DSCAM: variants seen among roughly 807,000 people sequenced by gnomAD.
DSCAM encodes cell adhesion molecule DSCAM.
Under a neutral mutation model 217.7 loss-of-function variants are expected in DSCAM, and 47 were observed. That is an observed-to-expected ratio of 0.22 (90% confidence interval 0.17 to 0.28). The LOEUF is 0.28. DSCAM is among the 10% of genes least tolerant of loss of function. The probability of loss-of-function intolerance (pLI) is 1.00; values close to 1 mark genes in which losing one functional copy is unlikely to be tolerated. For synonymous variants in DSCAM, 1,056 were observed against 1,015.3 expected, an observed-to-expected ratio of 1.04 and a Z score of -0.76; for missense variants, 2,080 against 2,618.3, an observed-to-expected ratio of 0.79 and a Z score of 4.49.
In DSCAM at chr21:40,508,746, T is replaced by TAC. The variant is rs2076229817; in HGVS notation, c.509-139502_509-139501insGT. 1.2e-3 allele frequency among the ~76,000 whole-genome samples: 3 copies of TAC among 2,522 alleles called. No individual in the cohort carries two copies. In the South Asian group the frequency reaches 0.03, roughly 25 times the overall value. 1.7% of individuals were successfully genotyped at this position (2,522 alleles called of 152,430 possible). On this transcript the variant is annotated intron_variant, in intron 3 of 32. Coordinates refer to ENST00000400454, the MANE Select transcript of DSCAM (RefSeq NM_001389.5). Reference sequence around the variant, plus strand: ...ACCACACCCGGCAAATATATATATATATATATATATATATATATATATATA... The same window carrying TAC: ...ACCACACCCGGCAAATATATATATATACATATATATATATATATATATATATA...
At chr21:40,071,277 A>G (rs2089289288) in intron 27 of DSCAM, among the ~76,000 whole-genome samples, 1 of 152,182 alleles carries the variant, frequency 6.6e-6, no homozygotes, top group Non-Finnish European at 1.5e-5. Context: ...ATAAGGTTAT[A>G]GATTTAAAAA....
chr21:40,781,945 G>A (rs148539406), intron 1 of DSCAM, among the ~76,000 whole-genome samples: 1,819 of 129,178 alleles, frequency 0.014, 68 homozygotes, highest in Admixed American at 0.11. Context: ...TCAAGAGATC[G>A]AGACCATCCT....
chr21:40,523,999 A>G (rs1395807256), intron 3 of DSCAM, among the ~76,000 whole-genome samples: 1 of 152,224 alleles, frequency 6.6e-6, no homozygotes, highest in East Asian at 1.9e-4. Context: ...CCATTTCAAC[A>G]GTATCTTAAG....
intron 32 of DSCAM, among the ~76,000 whole-genome samples, chr21:40,037,993 TTACACCTTA>T (rs959462520): frequency 6.1e-5 from 9 of 146,592 alleles, no homozygotes; most frequent in African/African-American, 2.3e-4. Context: ...GATCCCTTCC[TTACACCTTA>T]TACAAAAATC....
intron 1 of DSCAM, among the ~76,000 whole-genome samples, chr21:40,737,473 A>G (rs1446636033): frequency 6.6e-6 from 1 of 152,108 alleles, no homozygotes; most frequent in Non-Finnish European, 1.5e-5. Flanking sequence ...CCCCATCTCT[A>G]CTAAAAAAAA....
Position 40,080,319 on chromosome 21 carries a change from T to A in DSCAM, c.4253A>T (p.Glu1418Val). ...ACTCCCCCACTGCTCACTATTGTCCTCGGAGTACTGCAGTATGTATCCTGC... is the reference window on the plus strand; with the variant it reads ...ACTCCCCCACTGCTCACTATTGTCCACGGAGTACTGCAGTATGTATCCTGC... ...SIRGYILQYSEDNSEQWGSFP... is the reference protein window; with the variant it reads ...SIRGYILQYSVDNSEQWGSFP... The change falls in exon 25 of 33, where the codon GAG (glutamate) becomes GTG (valine). Residue 1418 changes from glutamate to valine, a missense_variant. Transcript: ENST00000400454. 1 of 1,612,016 alleles carries A rather than the reference T, an allele frequency of 6.2e-7. No individual in the cohort carries two copies. The highest frequency in any genetic ancestry group is 8.5e-7 in the Non-Finnish European group (1 of 1,179,076).
intron 3 of DSCAM, among the ~76,000 whole-genome samples, chr21:40,508,645 A>G (rs975977411): frequency 6.7e-6 from 1 of 149,620 alleles, no homozygotes; most frequent in Non-Finnish European, 1.5e-5. Context: ...CATCGCTCTC[A>G]GTAGCCTCAA....
chr21:40,827,988 G>C (rs1343525760), intron 1 of DSCAM, among the ~76,000 whole-genome samples: 1 of 152,220 alleles, frequency 6.6e-6, no homozygotes, highest in African/African-American at 2.4e-5. Flanking sequence ...ATGGAAGAAG[G>C]AAGTGGTGAC....
intron 1 of DSCAM, among the ~76,000 whole-genome samples, chr21:40,839,087 A>G (rs1346955912): frequency 6.6e-6 from 1 of 152,208 alleles, no homozygotes; most frequent in Non-Finnish European, 1.5e-5. Flanking sequence ...TACAAAATCC[A>G]TGATCTCACT....
chr21:40,617,766 C>T (rs1786372419), intron 3 of DSCAM, among the ~76,000 whole-genome samples: 1 of 152,220 alleles, frequency 6.6e-6, no homozygotes, highest in Non-Finnish European at 1.5e-5. Context: ...AGTTGAGGAG[C>T]ACTGACTTAG....
chr21:40,673,086 C>T (rs559413416), intron 3 of DSCAM, among the ~76,000 whole-genome samples: 28 of 152,300 alleles, frequency 1.8e-4, no homozygotes, highest in Admixed American at 5.9e-4. Flanking sequence ...CCTGCCCCAT[C>T]CCTTCCCTGG....
intron 11 of DSCAM, among the ~76,000 whole-genome samples, chr21:40,243,386 T>C (rs535160959): frequency 6.6e-6 from 1 of 152,336 alleles, no homozygotes; most frequent in Non-Finnish European, 1.5e-5. Context: ...TTAAATGCAT[T>C]TCTTTTTCTT....
At chr21:40,811,828 T>C (rs973510210) in intron 1 of DSCAM, among the ~76,000 whole-genome samples, 1 of 152,224 alleles carries the variant, frequency 6.6e-6, no homozygotes, top group Non-Finnish European at 1.5e-5. Flanking sequence ...TGAAGACCTA[T>C]GGGGTCCCAT....
chr21:40,368,526 G>A (rs1037965386), intron 4 of DSCAM, among the ~76,000 whole-genome samples: 1 of 152,214 alleles, frequency 6.6e-6, no homozygotes, highest in East Asian at 1.9e-4. Flanking sequence ...AATCCCAACA[G>A]TACATTATCA....
chr21:40,797,789 C>A (rs1483631346), intron 1 of DSCAM, among the ~76,000 whole-genome samples: 1 of 152,020 alleles, frequency 6.6e-6, no homozygotes, highest in Non-Finnish European at 1.5e-5. Context: ...TTTTTCTCTA[C>A]CTTGATAGAA....
chr21:40,040,570 A>T (rs9983207), intron 32 of DSCAM, among the ~76,000 whole-genome samples: 1 of 136,754 alleles, frequency 7.3e-6, no homozygotes, highest in Non-Finnish European at 1.7e-5. Flanking sequence ...TTCAGTGGTC[A>T]CTGGAGAAAA....
In DSCAM at chr21:40,715,527, T is replaced by C. The variant is rs546880113; in HGVS notation, c.44-6756A>G. Among the ~76,000 whole-genome samples, 5 of 152,142 alleles carry C rather than the reference T, an allele frequency of 3.3e-5. No individual in the cohort carries two copies. The South Asian group carries it at 6.3e-4, about 19-fold the overall frequency. On this transcript the variant is annotated intron_variant, in intron 1 of 32. Transcript: ENST00000400454. ...GCAGGGGTGTTCATCAAGTCGTAAG[T>C]GTTTTATAGTTTTCTCTCCCAACCA... is the stretch of plus-strand genomic sequence containing the variant.
intron 3 of DSCAM, among the ~76,000 whole-genome samples, chr21:40,605,757 T>C (rs2089226690): frequency 6.6e-6 from 1 of 151,040 alleles, no homozygotes; most frequent in African/African-American, 2.4e-5. Flanking sequence ...ACAAAAAATA[T>C]GTTCTTCACT....
chr21:40,586,106 C>T (rs1044043145), intron 3 of DSCAM, among the ~76,000 whole-genome samples: 2 of 152,182 alleles, frequency 1.3e-5, no homozygotes, highest in Admixed American at 1.3e-4. Flanking sequence ...ATCCATCCAC[C>T]TCAGCCTCCC....
Sources: gnomAD v4.1 joint callset for allele counts (sites outside exome capture counted in the v4.1 genomes callset) on GRCh38, gnomAD v4.1.1 for gene constraint, MANE v1.5 for transcripts, NCBI Gene and HGNC (gene_info 2026-07-23, HGNC 2026-07-21) for gene names.